RSRC1: variants seen among roughly 807,000 people sequenced by gnomAD.
RSRC1 encodes arginine and serine rich coiled-coil 1.
RSRC1 carries 39 observed loss-of-function variants against 49.1 expected under a neutral mutation model. The observed-to-expected ratio is 0.79, with a 90% CI of 0.61 to 1.04. RSRC1 has a LOEUF of 1.04. Ranked by LOEUF, RSRC1 falls within the 50% of genes least tolerant of loss-of-function variation. The pLI is 0.00. For missense variants in RSRC1, 388 were observed against 402.4 expected, an observed-to-expected ratio of 0.96 and a Z score of 0.31; for synonymous variants, 143 against 130.8, an observed-to-expected ratio of 1.09 and a Z score of -0.63.
intron 6 of RSRC1, among the ~76,000 whole-genome samples, chr3:158,450,045 G>C (rs1736936097): frequency 6.6e-6 from 1 of 151,854 alleles, no homozygotes; most frequent in Non-Finnish European, 1.5e-5. Context: ...TTCCTTAATT[G>C]CTTTCAGAAT....
intron 2 of RSRC1, among the ~76,000 whole-genome samples, chr3:158,123,553 C>T (rs1436855755): frequency 1.3e-5 from 2 of 152,176 alleles, no homozygotes; most frequent in East Asian, 1.9e-4. Context: ...CTGCCTCGGC[C>T]TCCCAACATG....
At chr3:158,434,799 A>G (rs1735960042) in intron 6 of RSRC1, among the ~76,000 whole-genome samples, 1 of 151,986 alleles carries the variant, frequency 6.6e-6, no homozygotes, top group African/African-American at 2.4e-5. Context: ...TAGTAAAAAT[A>G]TGAATACTTA....
At chr3:158,363,387 C>A (rs1731586088) in intron 6 of RSRC1, among the ~76,000 whole-genome samples, 1 of 152,002 alleles carries the variant, frequency 6.6e-6, no homozygotes, top group African/African-American at 2.4e-5. Context: ...CCTTAGCCTC[C>A]CAAGTAGCTG....
intron 5 of RSRC1, among the ~76,000 whole-genome samples, chr3:158,347,712 T>G (rs1316354468): frequency 1.3e-5 from 2 of 152,066 alleles, no homozygotes; most frequent in African/African-American, 4.8e-5. Context: ...GTGCAACTAA[T>G]GGCTGACTAA....
chr3:158,375,891 A>G (rs963272505), intron 6 of RSRC1, among the ~76,000 whole-genome samples: 2 of 152,190 alleles, frequency 1.3e-5, no homozygotes, highest in African/African-American at 2.4e-5. Context: ...TTCATATGCC[A>G]GGTATTCTTT....
chr3:158,365,306 A>C (rs1731701020), intron 6 of RSRC1, among the ~76,000 whole-genome samples: 3 of 146,208 alleles, frequency 2.1e-5, no homozygotes, highest in African/African-American at 5.1e-5. Flanking sequence ...CCTAGTACCC[A>C]CCCCCCGACA....
rs539482437 is a variant in RSRC1, at chr3:158,314,038, A to G, written c.531+15963A>G. Among the ~76,000 whole-genome samples the G allele has an allele frequency of 9.2e-5, 14 of 152,346 alleles. No individual in the cohort carries two copies. In the South Asian group the frequency reaches 2.5e-3, roughly 27 times the overall value. ...GAATCCACACCTGGATAAGAAAGGT[A>G]GCAGTCCTGTTTGTTACGAGTAACT... On this transcript the variant is annotated intron_variant, in intron 5 of 9. Transcript: ENST00000611884.
intron 6 of RSRC1, among the ~76,000 whole-genome samples, chr3:158,363,696 T>C (rs1216376118): frequency 6.6e-6 from 1 of 152,230 alleles, no homozygotes; most frequent in Non-Finnish European, 1.5e-5. Flanking sequence ...TAAAATAATT[T>C]CTATCCTCAA....
intron 6 of RSRC1, among the ~76,000 whole-genome samples, chr3:158,400,838 G>T (rs1302934925): frequency 6.6e-6 from 1 of 152,012 alleles, no homozygotes; most frequent in South Asian, 2.1e-4. Context: ...CTACAGTAGT[G>T]TATTGTAATG....
Position 158,539,959 on chromosome 3 carries a change from G to A in RSRC1, c.759+2761G>A, listed in dbSNP as rs954913937. On this transcript the variant is annotated intron_variant, in intron 8 of 9. Coordinates refer to ENST00000611884, the MANE Select transcript of RSRC1 (RefSeq NM_001271838.2). The surrounding 1 kb of genome is among the most constrained non-coding windows in gnomAD (Gnocchi z 4.1). Reference sequence around the variant, plus strand: ...CTTTGATAACTAGAATAATAGCACTGCACATATTTTTAAGGCAGTTTAACA... The same window carrying A: ...CTTTGATAACTAGAATAATAGCACTACACATATTTTTAAGGCAGTTTAACA... Among the ~76,000 whole-genome samples the A allele has an allele frequency of 6.6e-6, 1 of 152,108 alleles. No homozygotes were observed. The highest frequency in any genetic ancestry group is 2.4e-5 in the African/African-American group (1 of 41,414).
At chr3:158,300,416 A>T (rs1004488507) in intron 5 of RSRC1, among the ~76,000 whole-genome samples, 15 of 152,346 alleles carry the variant, frequency 9.8e-5, no homozygotes, top group Admixed American at 5.2e-4. Flanking sequence ...CAGTGATATT[A>T]TGAAGAATAT....
At chr3:158,172,630 C>G (rs1056096426) in intron 3 of RSRC1, among the ~76,000 whole-genome samples, 9 of 152,162 alleles carry the variant, frequency 5.9e-5, no homozygotes, top group African/African-American at 2.2e-4. Context: ...TTCACATTTT[C>G]ACCAGGGAAT....
At chr3:158,419,452 A>G (rs187839789) in intron 6 of RSRC1, among the ~76,000 whole-genome samples, 1 of 152,098 alleles carries the variant, frequency 6.6e-6, no homozygotes, top group Non-Finnish European at 1.5e-5. Context: ...GCAACCAGAA[A>G]CTTGAGTTCT....
chr3:158,232,894 A>G (rs1370693481), intron 4 of RSRC1, among the ~76,000 whole-genome samples: 1 of 152,122 alleles, frequency 6.6e-6, no homozygotes, highest in Admixed American at 6.6e-5. Flanking sequence ...ACCCATGAAG[A>G]TATTTTAAAT....
chr3:158,445,399 C>T (rs2108380714), intron 6 of RSRC1, among the ~76,000 whole-genome samples: 1 of 152,000 alleles, frequency 6.6e-6, no homozygotes, highest in Middle Eastern at 3.4e-3. Context: ...CAAACTATCG[C>T]AAGGACAAAA....
intron 6 of RSRC1, among the ~76,000 whole-genome samples, chr3:158,374,150 C>T (rs1446501360): frequency 1.3e-5 from 2 of 152,024 alleles, no homozygotes; most frequent in African/African-American, 4.8e-5. Flanking sequence ...TTACAATACT[C>T]TAACGGATTG....
At position 158,539,135 on chromosome 3, in the gene RSRC1, C is replaced by G. The variant is rs1289844277; in HGVS notation, c.759+1937C>G. ...TAACTCTCTTGAGGACTGAGTTACC[C>G]ATGATCCTAGTTTCAACATATTTTT... On this transcript the variant is annotated intron_variant, in intron 8 of 9. Coordinates refer to ENST00000611884, the MANE Select transcript of RSRC1 (RefSeq NM_001271838.2). The surrounding 1 kb of genome is among the most constrained non-coding windows in gnomAD (Gnocchi z 4.1). Among the ~76,000 whole-genome samples the G allele has an allele frequency of 6.6e-6, 1 of 151,878 alleles. No individual in the cohort carries two copies. Among genetic ancestry groups the G allele is most frequent in the African/African-American group, 2.4e-5 (1 of 41,408 alleles).
chr3:158,139,592 G>A (rs1242474539), intron 3 of RSRC1, among the ~76,000 whole-genome samples: 2 of 151,416 alleles, frequency 1.3e-5, no homozygotes, highest in Non-Finnish European at 2.9e-5. Context: ...TCACAGAGAC[G>A]TGAAATTAAT....
At chr3:158,477,398 G>T (rs1346624054) in intron 7 of RSRC1, among the ~76,000 whole-genome samples, 2 of 151,998 alleles carry the variant, frequency 1.3e-5, no homozygotes. Context: ...ATTTAAAATG[G>T]CCATAGCCAC....
Sources: allele counts gnomAD v4.1 joint callset (sites outside exome capture counted in the v4.1 genomes callset), GRCh38; gene constraint gnomAD v4.1.1; non-coding constraint Gnocchi (gnomAD v3.1); transcripts MANE v1.5; gene names NCBI Gene and HGNC (gene_info 2026-07-23, HGNC 2026-07-21).